MGA: variants seen among roughly 807,000 people sequenced by gnomAD.
The protein encoded by MGA is MAX dimerization protein MGA, also known as MAX gene-associated protein.
A neutral mutation model predicts 261.1 loss-of-function variants in MGA; 40 were observed. That is an observed-to-expected ratio of 0.15 (90% CI 0.12 to 0.20). The LOEUF is 0.20. Among genes scored for constraint, MGA ranks in the 10% least tolerant of loss-of-function variants. The probability of loss-of-function intolerance (pLI) is 1.00; values close to 1 mark genes in which losing one functional copy is unlikely to be tolerated. For missense variants in MGA, 3,397 were observed against 3,630.5 expected, an observed-to-expected ratio of 0.94 and a Z score of 1.65; for synonymous variants, 1,302 against 1,290.6, an observed-to-expected ratio of 1.01 and a Z score of -0.19.
intron 7 of MGA, among the ~76,000 whole-genome samples, chr15:41,708,903 T>C (rs1240604226): frequency 6.6e-6 from 1 of 152,242 alleles, no homozygotes; most frequent in African/African-American, 2.4e-5. Flanking sequence ...CCGTTCTTAG[T>C]GCTTTTCCTT....
intron 8 of MGA, among the ~76,000 whole-genome samples, chr15:41,712,911 A>G (rs898457805): frequency 1.3e-5 from 2 of 152,198 alleles, no homozygotes; most frequent in African/African-American, 4.8e-5. Flanking sequence ...ATTATGTATA[A>G]TTTATATTGA....
chr15:41,733,629 T>G (rs1361688971), intron 11 of MGA, among the ~76,000 whole-genome samples: 1 of 152,126 alleles, frequency 6.6e-6, no homozygotes, highest in East Asian at 1.9e-4. Flanking sequence ...ACAAAAAAAT[T>G]TAAATGTGCA....
At chr15:41,745,771 A>AT (rs77128235) in intron 15 of MGA, among the ~76,000 whole-genome samples, 20,620 of 151,714 alleles carry the variant, frequency 0.14, 2,480 homozygotes, top group East Asian at 0.68. Flanking sequence ...CACCTGGTTA[A>AT]TTTTTTTGAT....
intron 1 of MGA, among the ~76,000 whole-genome samples, chr15:41,652,536 ATTTT>A (rs565376449): frequency 2.2e-5 from 3 of 136,388 alleles, no homozygotes; most frequent in African/African-American, 2.7e-5. Context: ...AGCTAATTAA[ATTTT>A]TTTTTTTTTT....
intron 2 of MGA, among the ~76,000 whole-genome samples, chr15:41,686,114 A>G (rs1055461236): frequency 1.3e-5 from 2 of 152,138 alleles, no homozygotes; most frequent in African/African-American, 2.4e-5. Context: ...CTACATGTAC[A>G]GTGTTACCTG....
Position 41,766,972 on chromosome 15 carries a change from C to G in MGA, c.8890C>G (p.Pro2964Ala). The G allele has an allele frequency of 4.3e-6, 7 of 1,613,946 alleles. No homozygotes were observed. The highest frequency in any genetic ancestry group is 5.9e-6 in the Non-Finnish European group (7 of 1,179,878). ...TGCAGAGCCCGAAAGTGTGTCCTCA[C>G]CCCCCACCCTACACATGAAGACTGG... Residue 2964 changes from proline (P) to alanine (A), a missense_variant, in exon 24 of 24, where the codon CCC (proline) becomes GCC (alanine). Transcript: ENST00000219905.
intron 1 of MGA, among the ~76,000 whole-genome samples, chr15:41,641,862 C>T (rs1018225451): frequency 4.6e-5 from 7 of 151,736 alleles, no homozygotes; most frequent in Admixed American, 3.9e-4. Flanking sequence ...GTGGTGCAGT[C>T]ACAACTTACT....
In MGA at chr15:41,708,091, T is replaced by G; in HGVS notation, c.2321-13T>G. 6.4e-7 allele frequency: 1 copy of G among 1,552,826 alleles called. No individual in the cohort carries two copies. Among genetic ancestry groups the G allele is most frequent in the Non-Finnish European group, 8.7e-7 (1 of 1,151,044 alleles). ...TAGAATTTTGGTCATCTGTTTGACTTTTTCTTTTATAGATGCGGGATTTCC... is the reference window on the plus strand; with the variant it reads ...TAGAATTTTGGTCATCTGTTTGACTGTTTCTTTTATAGATGCGGGATTTCC... On this transcript the variant is annotated splice_polypyrimidine_tract_variant and intron_variant, in intron 6 of 23. Transcript: ENST00000219905.
At position 41,726,666 on chromosome 15, in the gene MGA, T is replaced by C. The variant is rs1026963987; in HGVS notation, c.3431-514T>C. On this transcript the variant is annotated intron_variant, in intron 9 of 23. Transcript: ENST00000219905. The stretch of plus-strand genomic sequence containing the variant: ...ATCTCCTGAACATGGGAGGCAGAGG[T>C]TGCCATGAGCCAAGATTGCGCCATT... Among the ~76,000 whole-genome samples the C allele has an allele frequency of 2.6e-5, 4 of 151,942 alleles. No homozygotes were observed. In the South Asian group the frequency reaches 8.3e-4, roughly 32 times the overall value.
intron 1 of MGA, among the ~76,000 whole-genome samples, chr15:41,660,816 G>A (rs564450516): frequency 1.3e-5 from 2 of 152,314 alleles, no homozygotes; most frequent in South Asian, 2.1e-4. Flanking sequence ...GGCGGGAGGG[G>A]TGAGAAGCGC....
At chr15:41,672,655 T>C (rs1013710006) in intron 2 of MGA, among the ~76,000 whole-genome samples, 1 of 152,214 alleles carries the variant, frequency 6.6e-6, no homozygotes, top group Admixed American at 6.5e-5. Context: ...ATGTAAACTT[T>C]TTTTCTAAAT....
At chr15:41,716,600 G>C (rs1182692082) in intron 9 of MGA, among the ~76,000 whole-genome samples, 5 of 151,970 alleles carry the variant, frequency 3.3e-5, no homozygotes, top group Non-Finnish European at 5.9e-5. Context: ...TGGAAAAGTT[G>C]AAATCCTTTA....
chr15:41,676,229 C>G (rs916771456), intron 2 of MGA, among the ~76,000 whole-genome samples: 1 of 152,040 alleles, frequency 6.6e-6, no homozygotes, highest in African/African-American at 2.4e-5. Context: ...GTTGTGCCAG[C>G]TGGAGTCCAG....
chr15:41,722,567 T>G (rs1201144279), intron 9 of MGA, among the ~76,000 whole-genome samples: 2 of 152,230 alleles, frequency 1.3e-5, no homozygotes, highest in African/African-American at 4.8e-5. Context: ...GTTCTGGAAT[T>G]GATAGCACTG....
chr15:41,734,684 C>T (rs2061678999), intron 12 of MGA, 90 bp downstream of exon 12: 2 of 966,740 alleles, frequency 2.1e-6, no homozygotes, highest in Admixed American at 6.0e-5. Context: ...ACCATCAATT[C>T]AGAATATGTC....
In MGA at chr15:41,749,645, G is replaced by C; in HGVS notation, c.6038G>C (p.Gly2013Ala). The C allele has an allele frequency of 6.2e-7, 1 of 1,613,984 alleles. No homozygotes were observed. The highest frequency in any genetic ancestry group is 8.5e-7 in the Non-Finnish European group (1 of 1,179,894). Residue 2013 changes from glycine to alanine, a missense_variant, in exon 17 of 24, where the codon GGA (glycine) becomes GCA (alanine). Physicochemically the swap from Gly to Ala is moderately conservative, Grantham distance 60 (BLOSUM62 0). This residue lies in a region of MGA where 1,410 missense variants were observed against 1,386.4 expected (regional missense o/e 1.02). Coordinates refer to ENST00000219905, the MANE Select transcript of MGA (RefSeq NM_001164273.2). ...GCTAATGTAATAAAACAAAACTCAGGAGCTGCTACCTCAGAAGAAACTCTG... is the reference window on the plus strand; with the variant it reads ...GCTAATGTAATAAAACAAAACTCAGCAGCTGCTACCTCAGAAGAAACTCTG...
chr15:41,689,945 A>G (rs1248491123), intron 2 of MGA, among the ~76,000 whole-genome samples: 2 of 152,168 alleles, frequency 1.3e-5, no homozygotes, highest in Admixed American at 6.5e-5. Flanking sequence ...ATCTACATAA[A>G]ATTCACCTAC....
Position 41,736,217 on chromosome 15 carries a change from C to G in MGA, c.3953C>G (p.Ser1318Cys), listed in dbSNP as rs781411253. Residue 1318 changes from serine to cysteine, a missense_variant, in exon 13 of 24, where the codon TCC becomes TGC. By Grantham distance (112) the Ser-to-Cys change is moderately radical. Transcript: ENST00000219905. ...AAGTCTTCCTGCAATGAAGGAGAAT[C>G]CTCTTCTACTTCTTATATGCATCAG... 4 of 1,597,184 alleles carry G rather than the reference C, an allele frequency of 2.5e-6. No homozygotes were observed. Among genetic ancestry groups the G allele is most frequent in the Non-Finnish European group, 3.4e-6 (4 of 1,171,412 alleles).
At chr15:41,677,072 T>TA (rs1173178085) in intron 2 of MGA, among the ~76,000 whole-genome samples, 6 of 152,370 alleles carry the variant, frequency 3.9e-5, no homozygotes, top group Admixed American at 2.6e-4. Context: ...TCTTTGGCCT[T>TA]ATCTCATTTA....
Sources: allele counts gnomAD v4.1 joint callset (sites outside exome capture counted in the v4.1 genomes callset), GRCh38; gene constraint gnomAD v4.1.1; regional missense constraint gnomAD v4.1.1; transcripts MANE v1.5; gene names NCBI Gene and HGNC (gene_info 2026-07-23, HGNC 2026-07-21).